ELMO1: variants seen among roughly 807,000 people sequenced by gnomAD.
ELMO1 encodes the protein engulfment and cell motility 1.
Under a neutral mutation model 98.9 loss-of-function variants are expected in ELMO1, and 26 were observed. That is an observed-to-expected ratio of 0.26 (90% confidence interval 0.19 to 0.36). The LOEUF is 0.36. Ranked by LOEUF, ELMO1 falls within the 10% of genes least tolerant of loss-of-function variation. The probability of loss-of-function intolerance (pLI) is 1.00; values close to 1 mark genes in which losing one functional copy is unlikely to be tolerated. For synonymous variants in ELMO1, 346 were observed against 346.0 expected (o/e 1.00, Z 0.00); for missense variants, 627 against 935.2 (o/e 0.67, Z 4.30).
chr7:36,918,996 AG>A (rs1196893250), intron 16 of ELMO1, among the ~76,000 whole-genome samples: 1 of 151,328 alleles, frequency 6.6e-6, no homozygotes, highest in Non-Finnish European at 1.5e-5. Context: ...TCATTCATTC[AG>A]TCAGTCAGTC....
intron 16 of ELMO1, among the ~76,000 whole-genome samples, chr7:36,925,343 C>G (rs1015142469): frequency 2.0e-5 from 3 of 152,222 alleles, no homozygotes; most frequent in African/African-American, 7.2e-5. Flanking sequence ...CTGGGAAGAG[C>G]AGCCCTGCAA....
chr7:36,930,799 G>A (rs746878380), intron 16 of ELMO1, among the ~76,000 whole-genome samples: 1 of 152,064 alleles, frequency 6.6e-6, no homozygotes, highest in Non-Finnish European at 1.5e-5. Context: ...ATAAGGCAAG[G>A]GCAAAAACGG....
intron 16 of ELMO1, among the ~76,000 whole-genome samples, chr7:36,999,459 C>G (rs754709612): frequency 2.0e-5 from 3 of 152,186 alleles, no homozygotes; most frequent in Non-Finnish European, 4.4e-5. Context: ...TTAACCTGCT[C>G]AAGCTCACCC....
chr7:36,880,638 T>C (rs1311132339), intron 18 of ELMO1, among the ~76,000 whole-genome samples: 1 of 152,086 alleles, frequency 6.6e-6, no homozygotes, highest in Non-Finnish European at 1.5e-5. Flanking sequence ...GCCAAGGAGT[T>C]CAAGGAAAAG....
chr7:37,127,218 G>A (rs1355036148), intron 14 of ELMO1, among the ~76,000 whole-genome samples: 1 of 152,184 alleles, frequency 6.6e-6, no homozygotes, highest in East Asian at 1.9e-4. Context: ...CCTTAAAATA[G>A]CATCTTTTGG....
At chr7:37,164,430 A>G (rs1264611216) in intron 13 of ELMO1, among the ~76,000 whole-genome samples, 74 of 152,066 alleles carry the variant, frequency 4.9e-4, no homozygotes, top group Admixed American at 5.2e-4. Context: ...TGTCCTGAAT[A>G]GTAATGCCTA....
intron 14 of ELMO1, among the ~76,000 whole-genome samples, chr7:37,097,358 C>T (rs916852820): frequency 7.2e-5 from 11 of 151,944 alleles, no homozygotes; most frequent in Non-Finnish European, 1.0e-4. Flanking sequence ...GCCAACATGG[C>T]GAATAAAATA....
intron 1 of ELMO1, among the ~76,000 whole-genome samples, chr7:37,401,742 T>C (rs963140548): frequency 6.6e-6 from 1 of 152,048 alleles, no homozygotes; most frequent in African/African-American, 2.4e-5. Flanking sequence ...CATGATTCAA[T>C]TACCTCCTAG....
chr7:37,093,793 G>C (rs1185332132), intron 15 of ELMO1, among the ~76,000 whole-genome samples: 2 of 152,182 alleles, frequency 1.3e-5, no homozygotes, highest in South Asian at 2.1e-4. Flanking sequence ...GGGCATGTAG[G>C]CTTCAGAAAC....
At chr7:37,237,289 AT>A (rs1562542644) in intron 7 of ELMO1, among the ~76,000 whole-genome samples, 1 of 151,882 alleles carries the variant, frequency 6.6e-6, no homozygotes, top group Non-Finnish European at 1.5e-5. Flanking sequence ...ACAGAATTTT[AT>A]TTATTTATTT....
chr7:37,374,307 G>A (rs987975663), intron 1 of ELMO1, among the ~76,000 whole-genome samples: 6 of 152,100 alleles, frequency 3.9e-5, no homozygotes, highest in Admixed American at 2.0e-4. Flanking sequence ...TGCAACCATC[G>A]TGTCTAACTA....
chr7:37,261,926 G>T (rs118170080), intron 5 of ELMO1, among the ~76,000 whole-genome samples: 1 of 152,214 alleles, frequency 6.6e-6, no homozygotes, highest in African/African-American at 2.4e-5. Flanking sequence ...ACTACCACCT[G>T]ATCTTCCCCA....
chr7:37,296,650 G>T (rs1798041896), intron 4 of ELMO1, among the ~76,000 whole-genome samples: 1 of 21,750 alleles, frequency 4.6e-5, no homozygotes, highest in Non-Finnish European at 8.5e-5. Context: ...GGCCATCTCA[G>T]AATTCCACTT....
Position 37,432,698 on chromosome 7 carries a change from A to G in ELMO1, c.-74+15977T>C, listed in dbSNP as rs971725387. 2.0e-5 allele frequency among the ~76,000 whole-genome samples: 3 copies of G among 152,124 alleles called. No individual in the cohort carries two copies. In the East Asian group the frequency reaches 5.8e-4, roughly 29 times the overall value. On this transcript the variant is annotated intron_variant, in intron 1 of 21. Coordinates refer to ENST00000310758, the MANE Select transcript of ELMO1 (RefSeq NM_014800.11). ...AACCACACATGTGGTAAAAATCCCA[A>G]CCCCCAATGTGTATCACAGATGCCT...
chr7:37,089,608 C>T (rs1323963864), intron 15 of ELMO1, among the ~76,000 whole-genome samples: 1 of 152,150 alleles, frequency 6.6e-6, no homozygotes, highest in Non-Finnish European at 1.5e-5. Context: ...TATAATCAAA[C>T]CTCAATTTCC....
At chr7:37,346,551 T>A (rs1427824203) in intron 1 of ELMO1, among the ~76,000 whole-genome samples, 2 of 152,230 alleles carry the variant, frequency 1.3e-5, no homozygotes, top group African/African-American at 4.8e-5. Context: ...GCTCTTTGAA[T>A]ACTTGAGAGC....
chr7:37,171,590 T>C (rs947783213), intron 13 of ELMO1, among the ~76,000 whole-genome samples: 1 of 140,730 alleles, frequency 7.1e-6, no homozygotes, highest in African/African-American at 2.6e-5. Context: ...CCTCCCAGAT[T>C]CATGCCATTC....
At position 37,364,117 on chromosome 7, in the gene ELMO1, A is replaced by G. The variant is rs574780002; in HGVS notation, c.-73-21354T>C. 7.1e-4 allele frequency among the ~76,000 whole-genome samples: 108 copies of G among 152,192 alleles called. 1 individual carries two copies. The highest frequency in any genetic ancestry group is 2.5e-3 in the African/African-American group (102 of 41,514). On this transcript the variant is annotated intron_variant, in intron 1 of 21. Coordinates refer to ENST00000310758, the MANE Select transcript of ELMO1 (RefSeq NM_014800.11). ...ACAGAAGTCAGACAATACCCCCAACACCATACCCCATACCTGGGCCAATAT... is the reference window on the plus strand; with the variant it reads ...ACAGAAGTCAGACAATACCCCCAACGCCATACCCCATACCTGGGCCAATAT...
At chr7:37,133,667 C>T (rs1002744034) in intron 13 of ELMO1, among the ~76,000 whole-genome samples, 1 of 152,142 alleles carries the variant, frequency 6.6e-6, no homozygotes, top group African/African-American at 2.4e-5. Flanking sequence ...ACCTTGACTC[C>T]GCATCCTTAC....
Sources: allele counts gnomAD v4.1 joint callset (sites outside exome capture counted in the v4.1 genomes callset), GRCh38; gene constraint gnomAD v4.1.1; transcripts MANE v1.5; gene names NCBI Gene and HGNC (gene_info 2026-07-23, HGNC 2026-07-21).